RAI1: variants seen among roughly 807,000 people sequenced by gnomAD.
RAI1 encodes retinoic acid induced 1, also known as retinoic acid-induced protein 1.
A neutral mutation model predicts 123.8 loss-of-function variants in RAI1; 9 were observed. That is an observed-to-expected ratio of 0.07 (90% CI 0.04 to 0.13). The LOEUF (loss-of-function observed/expected upper bound fraction) is 0.13, where lower values mean the gene tolerates loss of function less well. Among genes scored for constraint, RAI1 ranks in the 10% least tolerant of loss-of-function variants. The pLI, the probability that RAI1 is intolerant of heterozygous loss-of-function variation, is 1.00. For synonymous variants in RAI1, 1,231 were observed against 1,127.3 expected, an observed-to-expected ratio of 1.09 and a Z score of -1.84; for missense variants, 2,256 against 2,545.8, an observed-to-expected ratio of 0.89 and a Z score of 2.45.
Position 17,715,993 on chromosome 17 carries a change from G to A in RAI1, c.-148-8035G>A, listed in dbSNP as rs1298133487. On this transcript the variant is annotated intron_variant, in intron 1 of 5. Coordinates refer to ENST00000353383, the MANE Select transcript of RAI1 (RefSeq NM_030665.4). ...GATGACAAACTATGGCGGGGGGAAT[G>A]GGTTTCCCTTAGCAGAGAGGGAATT... Among the ~76,000 whole-genome samples, 4 of 152,244 alleles carry A rather than the reference G, an allele frequency of 2.6e-5. No homozygotes were observed. In the East Asian group the frequency reaches 7.7e-4, roughly 29 times the overall value.
chr17:17,795,714 G>A lies in RAI1; in HGVS notation c.2766G>A (p.Gly922=). The change falls in exon 3 of 6, where the codon GGG becomes GGA. Residue 922 remains glycine (G), a synonymous_variant. Coordinates refer to ENST00000353383, the MANE Select transcript of RAI1 (RefSeq NM_030665.4). The surrounding 1 kb of genome is among the most constrained non-coding windows in gnomAD (Gnocchi z 5.9). ...GGGGCTCTCCGTGCCACCTCTCAGG[G>A]GAGTCCGTCATCCTGCTGGGCCCTA... is the stretch of plus-strand genomic sequence containing the variant. ...AGWGSPCHLS[G]ESVILLGPTV... 1 of 1,613,380 alleles carries A rather than the reference G, an allele frequency of 6.2e-7. No homozygotes were observed. The highest frequency in any genetic ancestry group is 8.5e-7 in the Non-Finnish European group (1 of 1,180,024).
chr17:17,794,229 G>A lies in RAI1; in HGVS notation c.1281G>A (p.Leu427=). ...AGGACAAGCTCCCTGAGAACCTGCT[G>A]TCGGATCTCAGCCTGCAGAGCCTCA... ...LQKDKLPENL[L]SDLSLQSLTA... Residue 427 remains leucine (L), a synonymous_variant, in exon 3 of 6, where the codon CTG becomes CTA. Coordinates refer to ENST00000353383, the MANE Select transcript of RAI1 (RefSeq NM_030665.4). The A allele has an allele frequency of 6.2e-7, 1 of 1,613,432 alleles. No homozygotes were observed.
chr17:17,795,789 A>C lies in RAI1; in HGVS notation c.2841A>C (p.Ser947=). Residue 947 remains serine (S), a synonymous_variant, in exon 3 of 6, where the codon TCA becomes TCC. Coordinates refer to ENST00000353383, the MANE Select transcript of RAI1 (RefSeq NM_030665.4). This position sits in a 1 kb window ranked among gnomAD's most constrained non-coding sequence, Gnocchi z 5.9. ...KVQSWFESSL[S]HMKPGEEGPD... ...AGAGCTGGTTTGAGTCCTCTCTGTCACACATGAAGCCAGGTGAAGAGGGGC... is the reference window on the plus strand; with the variant it reads ...AGAGCTGGTTTGAGTCCTCTCTGTCCCACATGAAGCCAGGTGAAGAGGGGC... 1.2e-6 allele frequency: 2 copies of C among 1,613,634 alleles called. No individual in the cohort carries two copies. Among genetic ancestry groups the C allele is most frequent in the Non-Finnish European group, 1.7e-6 (2 of 1,180,006 alleles).
At chr17:17,729,681 G>A (rs1416808932) in intron 2 of RAI1, among the ~76,000 whole-genome samples, 1 of 152,272 alleles carries the variant, frequency 6.6e-6, no homozygotes, top group African/African-American at 2.4e-5. Flanking sequence ...AACGCACACA[G>A]AGGCCCATTT....
chr17:17,704,164 C>CGAA (rs1915320674), intron 1 of RAI1, among the ~76,000 whole-genome samples: 1 of 152,210 alleles, frequency 6.6e-6, no homozygotes, highest in South Asian at 2.1e-4. Context: ...TTCTGAGGGG[C>CGAA]CTTCCTGAGG....
rs1158997770 is a variant in RAI1 at position 17,694,768 on chromosome 17, G to A, written c.-149+12975G>A. 2.7e-5 allele frequency among the ~76,000 whole-genome samples: 4 copies of A among 149,854 alleles called. No homozygotes were observed. The East Asian group carries it at 7.8e-4, about 29-fold the overall frequency. On this transcript the variant is annotated intron_variant, in intron 1 of 5. Coordinates refer to ENST00000353383, the MANE Select transcript of RAI1 (RefSeq NM_030665.4). The stretch of plus-strand genomic sequence containing the variant: ...CTGAGGCCAGGCGGGGGGCGAGGCG[G>A]GGCGGGCCGCTCGCGTCGCCATGGC...
intron 2 of RAI1, among the ~76,000 whole-genome samples, chr17:17,726,578 T>C (rs564815511): frequency 2.0e-5 from 3 of 152,382 alleles, no homozygotes; most frequent in East Asian, 1.9e-4. Context: ...TCACTCACAG[T>C]GTCCTGTATT....
chr17:17,792,281 G>A (rs2032038263), intron 2 of RAI1, among the ~76,000 whole-genome samples: 1 of 152,148 alleles, frequency 6.6e-6, no homozygotes, highest in South Asian at 2.1e-4. Context: ...ATTCCAGATG[G>A]CGTGGCAGTG....
chr17:17,808,748 G>A lies in RAI1; in HGVS notation c.5660-642G>A, dbSNP rs182196536. 2.0e-5 allele frequency among the ~76,000 whole-genome samples: 3 copies of A among 152,326 alleles called. No individual in the cohort carries two copies. The East Asian group carries it at 5.8e-4, about 29-fold the overall frequency. On this transcript the variant is annotated intron_variant, in intron 4 of 5. Transcript: ENST00000353383. The stretch of plus-strand genomic sequence containing the variant: ...AGACATGAGCCACTGCTGCTGCCAA[G>A]ATGGTTTCTATACACTCCCATCCTC...
chr17:17,749,877 G>T (rs959413263), intron 2 of RAI1, among the ~76,000 whole-genome samples: 1 of 152,236 alleles, frequency 6.6e-6, no homozygotes, highest in Non-Finnish European at 1.5e-5. Context: ...AGTATTTATT[G>T]AATGAGCAAA....
chr17:17,682,364 TGTGC>T (rs1914460455), intron 1 of RAI1: 1 of 148,324 alleles, frequency 6.7e-6, no homozygotes, highest in Non-Finnish European at 1.5e-5. Flanking sequence ...CCCCGGGGCC[TGTGC>T]GCAGGCCCCG....
intron 1 of RAI1, among the ~76,000 whole-genome samples, chr17:17,699,057 G>C (rs1379758479): frequency 6.6e-6 from 1 of 152,196 alleles, no homozygotes; most frequent in Non-Finnish European, 1.5e-5. Flanking sequence ...CCAGGCACTG[G>C]GTAAAGGCTC....
At chr17:17,734,430 C>T (rs1567858818) in intron 2 of RAI1, among the ~76,000 whole-genome samples, 2 of 152,044 alleles carry the variant, frequency 1.3e-5, no homozygotes, top group African/African-American at 2.4e-5. Flanking sequence ...GGTGAAAGAG[C>T]GAGACCTTGT....
rs1382840682 is a variant in RAI1 at position 17,810,336 on chromosome 17, T to C, written c.*355T>C. 1.6e-5 allele frequency: 6 copies of C among 370,088 alleles called. No individual in the cohort carries two copies. 22.9% of individuals were successfully genotyped at this position (370,088 alleles called of 1,614,324 possible). A position where few individuals can be genotyped will look rare whatever the true frequency, so the allele number is the denominator to read the frequency against. Reference sequence around the variant, plus strand: ...GGAGACGGCTTTGTCCTGGGGACACTTTCCCTCTGGAATCTCAAGACGACG... The same window carrying C: ...GGAGACGGCTTTGTCCTGGGGACACCTTCCCTCTGGAATCTCAAGACGACG... On this transcript the variant is annotated 3_prime_UTR_variant, in exon 6 of 6. Coordinates refer to ENST00000353383, the MANE Select transcript of RAI1 (RefSeq NM_030665.4). This position sits in a 1 kb window ranked among gnomAD's most constrained non-coding sequence, Gnocchi z 4.6.
intron 1 of RAI1, among the ~76,000 whole-genome samples, chr17:17,702,570 C>G (rs1915257108): frequency 6.6e-6 from 1 of 152,172 alleles, no homozygotes; most frequent in Admixed American, 6.5e-5. Context: ...CTGCCAGGAG[C>G]GTCAGGTGGC....
At chr17:17,788,134 T>TG (rs949565841) in intron 2 of RAI1, among the ~76,000 whole-genome samples, 26 of 152,012 alleles carry the variant, frequency 1.7e-4, no homozygotes, top group Admixed American at 6.5e-5. Flanking sequence ...TCCTTGAGCA[T>TG]GGGGGGGCCA....
chr17:17,691,171 C>T, intron 1 of RAI1, among the ~76,000 whole-genome samples: 1 of 152,172 alleles, frequency 6.6e-6, no homozygotes, highest in Non-Finnish European at 1.5e-5. Context: ...TCTTGTGTCT[C>T]AGGGGACACT....
At chr17:17,689,580 G>A (rs550235510) in intron 1 of RAI1, among the ~76,000 whole-genome samples, 1 of 152,276 alleles carries the variant, frequency 6.6e-6, no homozygotes, top group South Asian at 2.1e-4. Context: ...AGGGTACTGA[G>A]AAAACAGCCA....
chr17:17,709,788 G>A (rs1428351443), intron 1 of RAI1, among the ~76,000 whole-genome samples: 1 of 152,194 alleles, frequency 6.6e-6, no homozygotes, highest in East Asian at 1.9e-4. Context: ...GATCAGCTCC[G>A]TGCGGGCCTG....
Sources: allele counts gnomAD v4.1 joint callset (sites outside exome capture counted in the v4.1 genomes callset), GRCh38; gene constraint gnomAD v4.1.1; non-coding constraint Gnocchi (gnomAD v3.1); transcripts MANE v1.5; gene names NCBI Gene and HGNC (gene_info 2026-07-23, HGNC 2026-07-21).